Variants in CLSTN2 observed in about 807,000 individuals in gnomAD.
CLSTN2 encodes calsyntenin 2, also known as calsyntenin-2.
Under a neutral mutation model 101.2 loss-of-function variants are expected in CLSTN2, and 48 were observed. The ratio of observed to expected loss-of-function variants is 0.47; its 90% CI spans 0.38 to 0.60. The LOEUF is 0.60. CLSTN2 is among the 20% of genes least tolerant of loss of function. The pLI, the probability that CLSTN2 is intolerant of heterozygous loss-of-function variation, is 0.00. For missense variants in CLSTN2, 1,160 were observed against 1,238.2 expected (o/e 0.94, Z 0.95); for synonymous variants, 481 against 463.6 (o/e 1.04, Z -0.48).
In CLSTN2 at chr3:140,560,152, T is replaced by A. The variant is rs763010325; in HGVS notation, c.2041+1295T>A. 4.5e-4 allele frequency among the ~76,000 whole-genome samples: 68 copies of A among 152,352 alleles called. 2 individuals are homozygous for A. In the Middle Eastern group the frequency reaches 0.017, roughly 38 times the overall value. Reference sequence around the variant, plus strand: ...GGTACAGGCAGAGCACATAGCCAAGTGTCCAAGCGCTATTATAAGTGCCTT... The same window carrying A: ...GGTACAGGCAGAGCACATAGCCAAGAGTCCAAGCGCTATTATAAGTGCCTT... On this transcript the variant is annotated intron_variant, in intron 12 of 16. Transcript: ENST00000458420.
At chr3:140,022,996 T>G (rs566060566) in intron 1 of CLSTN2, among the ~76,000 whole-genome samples, 1 of 152,214 alleles carries the variant, frequency 6.6e-6, no homozygotes, top group Admixed American at 6.5e-5. Context: ...GAGGCAAAAT[T>G]GGGAGGAAAG....
chr3:140,506,877 G>A (rs1487860594), intron 8 of CLSTN2: 1 of 152,206 alleles, frequency 6.6e-6, no homozygotes, highest in South Asian at 2.1e-4. Flanking sequence ...TTAATTACAT[G>A]TTGAAATGAT....
chr3:140,380,047 A>C (rs557930304), intron 2 of CLSTN2, among the ~76,000 whole-genome samples: 1 of 152,328 alleles, frequency 6.6e-6, no homozygotes, highest in African/African-American at 2.4e-5. Flanking sequence ...CTGAATCCAA[A>C]GACATTGACT....
chr3:140,275,382 C>T (rs1270266955), intron 2 of CLSTN2, among the ~76,000 whole-genome samples: 1 of 152,028 alleles, frequency 6.6e-6, no homozygotes, highest in Non-Finnish European at 1.5e-5. Flanking sequence ...AAGTGATCCT[C>T]CTGCCTTCCT....
intron 8 of CLSTN2, chr3:140,508,924 A>G (rs1246972420): frequency 3.3e-5 from 5 of 150,542 alleles, no homozygotes; most frequent in Non-Finnish European, 7.4e-5. Flanking sequence ...TTTTTTTTTG[A>G]GTGGGGGCTC....
intron 2 of CLSTN2, among the ~76,000 whole-genome samples, chr3:140,379,155 G>A (rs1156501027): frequency 6.6e-6 from 1 of 152,188 alleles, no homozygotes; most frequent in South Asian, 2.1e-4. Context: ...AGAATGAAGA[G>A]GCACAGATGA....
chr3:140,556,686 G>A (rs775835151), intron 11 of CLSTN2, 25 bp downstream of exon 11: 14 of 1,608,592 alleles, frequency 8.7e-6, no homozygotes, highest in Non-Finnish European at 1.2e-5. Flanking sequence ...GTCAGCCTGG[G>A]GCCAACTGAG....
At chr3:140,345,971 T>C (rs2087542834) in intron 2 of CLSTN2, among the ~76,000 whole-genome samples, 1 of 152,214 alleles carries the variant, frequency 6.6e-6, no homozygotes, top group Non-Finnish European at 1.5e-5. Context: ...TAGCCCATCG[T>C]CTCAGCTTAC....
At chr3:140,547,141 G>A (rs1241694119) in intron 10 of CLSTN2, among the ~76,000 whole-genome samples, 3 of 152,194 alleles carry the variant, frequency 2.0e-5, no homozygotes, top group Admixed American at 6.5e-5. Context: ...AGCAGGTATG[G>A]AGGTCATTCT....
intron 8 of CLSTN2, among the ~76,000 whole-genome samples, chr3:140,483,193 G>A (rs577417629): frequency 2.1e-4 from 32 of 152,064 alleles, no homozygotes; most frequent in Admixed American, 2.0e-3. Context: ...CCTTCATTTC[G>A]TTATTTACCC....
At chr3:140,540,690 G>A (rs1559899044) in intron 9 of CLSTN2, among the ~76,000 whole-genome samples, 1 of 152,142 alleles carries the variant, frequency 6.6e-6, no homozygotes, top group South Asian at 2.1e-4. Context: ...AAATAGCCAT[G>A]GGAATGACAG....
intron 2 of CLSTN2, among the ~76,000 whole-genome samples, chr3:140,240,464 C>T (rs2086457584): frequency 6.6e-6 from 1 of 151,586 alleles, no homozygotes; most frequent in Admixed American, 6.6e-5. Context: ...TAATATTTGC[C>T]AGCTATGTGA....
At chr3:139,977,601 C>T (rs183566068) in intron 1 of CLSTN2, among the ~76,000 whole-genome samples, 1 of 151,918 alleles carries the variant, frequency 6.6e-6, no homozygotes, top group East Asian at 1.9e-4. Flanking sequence ...GTGCCAGCAC[C>T]ATTCCAATTC....
chr3:140,288,909 G>A (rs2086923342), intron 2 of CLSTN2, among the ~76,000 whole-genome samples: 1 of 151,166 alleles, frequency 6.6e-6, no homozygotes. Context: ...CCTCCCAGTT[G>A]CCTCTTCTGG....
At chr3:139,976,851 CAT>C (rs1935827346) in intron 1 of CLSTN2, among the ~76,000 whole-genome samples, 1 of 152,132 alleles carries the variant, frequency 6.6e-6, no homozygotes, top group Admixed American at 6.5e-5. Flanking sequence ...CATGTGCACA[CAT>C]GTGTGTTGGC....
chr3:140,160,977 TAAC>T (rs966813725), intron 1 of CLSTN2, among the ~76,000 whole-genome samples: 1 of 152,184 alleles, frequency 6.6e-6, no homozygotes, highest in Admixed American at 6.5e-5. Flanking sequence ...GCTCAGATAA[TAAC>T]AAGCAGTCAA....
At chr3:140,484,685 A>T (rs534122037) in intron 8 of CLSTN2, among the ~76,000 whole-genome samples, 1 of 151,962 alleles carries the variant, frequency 6.6e-6, no homozygotes, top group Non-Finnish European at 1.5e-5. Flanking sequence ...TTTTCTCTAA[A>T]GTTCTCTTCT....
At chr3:140,551,679 G>C (rs76012479) in intron 10 of CLSTN2, among the ~76,000 whole-genome samples, 5,426 of 152,202 alleles carry the variant, frequency 0.036, 103 homozygotes, top group East Asian at 0.052. Context: ...CTGATTATTA[G>C]CTGGGTGACC....
chr3:140,481,676 T>C (rs1934121214), intron 8 of CLSTN2, among the ~76,000 whole-genome samples: 1 of 152,206 alleles, frequency 6.6e-6, no homozygotes, highest in Non-Finnish European at 1.5e-5. Flanking sequence ...CCCTTGTAAG[T>C]TGGATTCCTA....
Sources: allele counts gnomAD v4.1 joint callset (sites outside exome capture counted in the v4.1 genomes callset), GRCh38; gene constraint gnomAD v4.1.1; transcripts MANE v1.5; gene names NCBI Gene and HGNC (gene_info 2026-07-23, HGNC 2026-07-21).